Variants in FAM193B observed in about 807,000 individuals in gnomAD.
FAM193B encodes family with sequence similarity 193 member B, also known as protein FAM193B.
In FAM193B, 27 loss-of-function variants were observed where a neutral mutation model predicts 70.7. That is an observed-to-expected ratio of 0.38 (90% confidence interval 0.28 to 0.53). The LOEUF (loss-of-function observed/expected upper bound fraction) is 0.53. Ranked by LOEUF, FAM193B falls within the 20% of genes least tolerant of loss-of-function variation. The pLI, the probability that FAM193B is intolerant of heterozygous loss-of-function variation, is 0.81. For missense variants in FAM193B, 1,022 were observed against 1,072.5 expected, an observed-to-expected ratio of 0.95 and a Z score of 0.66; for synonymous variants, 448 against 436.0, an observed-to-expected ratio of 1.03 and a Z score of -0.34.
At chr5:177,523,916 G>A (rs1310770759) in intron 7 of FAM193B, 41 bp downstream of exon 7, 9 of 1,596,948 alleles carry the variant, frequency 5.6e-6, no homozygotes, top group Non-Finnish European at 5.2e-6. Context: ...GGCAGGACCT[G>A]GAGTCCTCCA....
chr5:177,531,507 CG>C, intron 5 of FAM193B: 2 of 468,710 alleles, frequency 4.3e-6, no homozygotes, highest in Non-Finnish European at 4.3e-6. Flanking sequence ...TCCGACTCGT[CG>C]GGGCAGCGGG....
chr5:177,525,008 A>T lies in FAM193B; in HGVS notation c.1473T>A (p.Ser491Arg). 6.5e-7 allele frequency: 1 copy of T among 1,541,922 alleles called. No individual in the cohort carries two copies. Among genetic ancestry groups the T allele is most frequent in the Non-Finnish European group, 8.7e-7 (1 of 1,146,538 alleles). Residue 491 changes from serine to arginine, a missense_variant, in exon 6 of 9, where the codon AGT (serine) becomes AGA (arginine). By Grantham distance (110) the Ser-to-Arg change is moderately radical. Coordinates refer to ENST00000514747, the MANE Select transcript of FAM193B (RefSeq NM_001190946.3). ...TGCTGTCCATGCTGAGCTCACACAC[A>T]CTGAAGCTGGCACGGATGGAGTCTT... is the stretch of plus-strand genomic sequence containing the variant. ...TVKDSIRASF[S>R]VCELSMDSNG...
intron 1 of FAM193B, among the ~76,000 whole-genome samples, chr5:177,552,534 G>T (rs1285799650): frequency 1.3e-5 from 2 of 152,254 alleles, no homozygotes; most frequent in Non-Finnish European, 2.9e-5. Flanking sequence ...CAGAGACCCT[G>T]AAGTATTCTA....
Position 177,524,607 on chromosome 5 carries a change from G to C in FAM193B, c.1874C>G (p.Pro625Arg). The C allele has an allele frequency of 6.2e-7, 1 of 1,612,330 alleles. No homozygotes were observed. The highest frequency in any genetic ancestry group is 1.1e-5 in the South Asian group (1 of 90,894). ...KEVPSCKQELPEPVSSGGKPQ... is the reference protein window; with the variant it reads ...KEVPSCKQELREPVSSGGKPQ... ...CTTCCCACCTGAGGACACAGGCTCA[G>C]GCAGCTCCTGCTTGCAACTGGGAAC... Residue 625 changes from proline to arginine, a missense_variant, in exon 6 of 9, where the codon CCT becomes CGT. Pro to Arg is a moderately radical substitution (Grantham distance 103, BLOSUM62 -2). Coordinates refer to ENST00000514747, the MANE Select transcript of FAM193B (RefSeq NM_001190946.3).
At chr5:177,531,529 TGGG>T in intron 5 of FAM193B, 1 of 488,008 alleles carries the variant, frequency 2.0e-6, no homozygotes, top group Non-Finnish European at 3.3e-6. Flanking sequence ...TGGCTGGGGG[TGGG>T]GGGGAGGTGC....
intron 5 of FAM193B, 104 bp from the exon 6 acceptor site, chr5:177,525,309 G>T: frequency 1.7e-6 from 2 of 1,204,352 alleles, no homozygotes; most frequent in Non-Finnish European, 2.2e-6. Context: ...TAACTTGCTG[G>T]AAGCAAAGCC....
At chr5:177,533,731 G>A (rs977708149) in intron 4 of FAM193B, among the ~76,000 whole-genome samples, 1 of 152,236 alleles carries the variant, frequency 6.6e-6, no homozygotes, top group Non-Finnish European at 1.5e-5. Flanking sequence ...AGGACTCAAG[G>A]ATGCAAACAG....
chr5:177,522,263 A>G, intron 7 of FAM193B, 192 bp from the exon 8 acceptor site: 3 of 548,664 alleles, frequency 5.5e-6, no homozygotes, highest in Non-Finnish European at 6.6e-6. Flanking sequence ...GGCCCAGGGA[A>G]CTATGTATGA....
rs1300181524 is a variant in FAM193B, at chr5:177,536,432, G to A, written c.1002C>T (p.Ser334=). The stretch of plus-strand genomic sequence containing the variant: ...CACTGCAGTGCCCACCACAGTGCCC[G>A]CTGCAGGGGTGGCTGCACCCCGAGA... ...PPFSGCSHPC[S]GHCGGHCSGP... The change falls in exon 4 of 9, where the codon AGC becomes AGT. Residue 334 remains serine (S), a synonymous_variant. Coordinates refer to ENST00000514747, the MANE Select transcript of FAM193B (RefSeq NM_001190946.3). The A allele has an allele frequency of 7.5e-6, 12 of 1,595,944 alleles. No homozygotes were observed. Among genetic ancestry groups the A allele is most frequent in the Admixed American group, 1.8e-5 (1 of 54,444 alleles).
intron 8 of FAM193B, among the ~76,000 whole-genome samples, chr5:177,521,536 G>A (rs370772295): frequency 1.3e-5 from 2 of 152,268 alleles, no homozygotes; most frequent in Admixed American, 1.3e-4. Context: ...CAGCTGGGAA[G>A]TACCTTGGTA....
chr5:177,545,804 T>C (rs1239856247), intron 1 of FAM193B, among the ~76,000 whole-genome samples: 1 of 152,162 alleles, frequency 6.6e-6, no homozygotes, highest in East Asian at 1.9e-4. Context: ...TTTCCAGCAC[T>C]CAGCGTGGCC....
intron 1 of FAM193B, chr5:177,547,302 T>TTTTTTTTTA (rs58258777): frequency 2.8e-5 from 4 of 141,452 alleles, no homozygotes; most frequent in Admixed American, 7.0e-5. Flanking sequence ...TTTTTTTTTT[T>TTTTTTTTTA]GAGACGGAGT....
At chr5:177,536,980 A>C (rs1764251460) in intron 3 of FAM193B, among the ~76,000 whole-genome samples, 1 of 152,212 alleles carries the variant, frequency 6.6e-6, no homozygotes, top group African/African-American at 2.4e-5. Flanking sequence ...ACAAGGCCCC[A>C]TGCCTTTTCT....
chr5:177,535,399 A>C (rs2127468954), intron 4 of FAM193B, among the ~76,000 whole-genome samples: 1 of 152,370 alleles, frequency 6.6e-6, no homozygotes, highest in South Asian at 2.1e-4. Flanking sequence ...GGAAGATAGA[A>C]ATGCATGATA....
chr5:177,553,870 G>A (rs1440201487), intron 1 of FAM193B: 4 of 1,254,598 alleles, frequency 3.2e-6, no homozygotes, highest in Non-Finnish European at 4.1e-6. Context: ...CAGTCCCAGA[G>A]CCCCGAGATG....
intron 1 of FAM193B, among the ~76,000 whole-genome samples, chr5:177,547,610 C>G (rs1765623522): frequency 6.6e-6 from 1 of 152,140 alleles, no homozygotes; most frequent in African/African-American, 2.4e-5. Flanking sequence ...AAGCAAAGGA[C>G]AGAAGGACTA....
rs769904774 is a variant in FAM193B, at chr5:177,525,031, C to T, written c.1450G>A (p.Asp484Asn). ...ACACTGAAGCTGGCACGGATGGAGT[C>T]TTTGACAGTGTTTTTGATCTCCTGC... ...RLQEIKNTVK[D>N]SIRASFSVCE... Residue 484 changes from aspartate (D) to asparagine (N), a missense_variant, in exon 6 of 9, where the codon GAC becomes AAC. Transcript: ENST00000514747. 5.1e-6 allele frequency: 8 copies of T among 1,578,520 alleles called. No individual in the cohort carries two copies. The South Asian group carries it at 9.4e-5, about 19-fold the overall frequency.
intron 1 of FAM193B, chr5:177,553,129 G>A (rs959902239): frequency 4.1e-6 from 4 of 979,944 alleles, no homozygotes; most frequent in Middle Eastern, 5.3e-4. Context: ...GTCAGGGGAG[G>A]CTTTGTGGGA....
Position 177,532,617 on chromosome 5 carries a change from C to G in FAM193B, c.1101G>C (p.Lys367Asn). 2.6e-6 allele frequency: 4 copies of G among 1,563,666 alleles called. No homozygotes were observed. Among genetic ancestry groups the G allele is most frequent in the Non-Finnish European group, 3.4e-6 (4 of 1,162,022 alleles). The change falls in exon 5 of 9, where the codon AAG becomes AAC. Residue 367 changes from lysine (K) to asparagine (N), a missense_variant. Transcript: ENST00000514747. This position sits in a 1 kb window ranked among gnomAD's most constrained non-coding sequence, Gnocchi z 4.9. Reference protein sequence around the residue: ...THRDPGCKGHKFAHSGLACQL... With the variant: ...THRDPGCKGHNFAHSGLACQL... ...GGCAAGCCAGGCCACTGTGTGCAAA[C>G]TTGTGCCCCTTGCACCCGGGATCCC...
Sources: allele counts gnomAD v4.1 joint callset (sites outside exome capture counted in the v4.1 genomes callset), GRCh38; gene constraint gnomAD v4.1.1; non-coding constraint Gnocchi (gnomAD v3.1); transcripts MANE v1.5; gene names NCBI Gene and HGNC (gene_info 2026-07-23, HGNC 2026-07-21).